Variants in ALK observed in about 807,000 individuals in gnomAD.
ALK encodes the protein ALK receptor tyrosine kinase.
ALK carries 74 observed loss-of-function variants against 163.1 expected under a neutral mutation model. That is an observed-to-expected ratio of 0.45 (90% CI 0.38 to 0.55). The LOEUF is 0.55. Among genes scored for constraint, ALK ranks in the 20% least tolerant of loss-of-function variants. The probability of loss-of-function intolerance (pLI) is 0.00; values close to 1 mark genes in which losing one functional copy is unlikely to be tolerated. For missense variants in ALK, 2,063 were observed against 2,105.3 expected, an observed-to-expected ratio of 0.98 and a Z score of 0.39; for synonymous variants, 960 against 843.2, an observed-to-expected ratio of 1.14 and a Z score of -2.40.
intron 4 of ALK, among the ~76,000 whole-genome samples, chr2:29,466,886 T>C (rs1671226595): frequency 6.6e-6 from 1 of 152,252 alleles, no homozygotes; most frequent in Non-Finnish European, 1.5e-5. Context: ...ATAATTTGTG[T>C]TTACACTTGA....
intron 1 of ALK, among the ~76,000 whole-genome samples, chr2:29,731,351 G>A (rs946670390): frequency 3.9e-5 from 6 of 152,186 alleles, no homozygotes; most frequent in Middle Eastern, 3.2e-3. Context: ...AGATGGCTTG[G>A]CTTCTTCCAT....
intron 4 of ALK, among the ~76,000 whole-genome samples, chr2:29,476,106 G>A (rs1671513427): frequency 6.6e-6 from 1 of 152,138 alleles, no homozygotes; most frequent in Non-Finnish European, 1.5e-5. Flanking sequence ...AGGATGCTGG[G>A]ACCACCAGGG....
Position 29,565,086 on chromosome 2 carries a change from G to C in ALK, c.953-32970C>G, listed in dbSNP as rs1430865658. 3.9e-5 allele frequency among the ~76,000 whole-genome samples: 6 copies of C among 152,356 alleles called. No homozygotes were observed. In the East Asian group the frequency reaches 9.6e-4, roughly 24 times the overall value. The stretch of plus-strand genomic sequence containing the variant: ...TACTCTGTACAGACACGGAGCTGGA[G>C]AAGGGACTAATGTACAACTCTAGGT... On this transcript the variant is annotated intron_variant, in intron 3 of 28. Coordinates refer to ENST00000389048, the MANE Select transcript of ALK (RefSeq NM_004304.5).
chr2:29,800,179 G>A (rs1664432987), intron 1 of ALK, among the ~76,000 whole-genome samples: 1 of 152,250 alleles, frequency 6.6e-6, no homozygotes, highest in Non-Finnish European at 1.5e-5. Flanking sequence ...CAATGCCTGA[G>A]AGGAGGCTGA....
intron 4 of ALK, among the ~76,000 whole-genome samples, chr2:29,392,841 C>G (rs566875128): frequency 6.6e-6 from 1 of 152,192 alleles, no homozygotes; most frequent in Admixed American, 6.5e-5. Flanking sequence ...CGTGAAATAC[C>G]CTGTGCCCTC....
intron 18 of ALK, among the ~76,000 whole-genome samples, chr2:29,225,857 G>A (rs1035417604): frequency 6.6e-6 from 1 of 152,156 alleles, no homozygotes; most frequent in Non-Finnish European, 1.5e-5. Context: ...GAGGATGGAA[G>A]GTGAAACGAA....
rs553418230 is a variant in ALK, at chr2:29,524,781, T to C, written c.1154+7134A>G. Among the ~76,000 whole-genome samples the C allele has an allele frequency of 1.0e-3, 154 of 151,638 alleles. 1 individual carries two copies. The highest frequency in any genetic ancestry group is 1.6e-3 in the Admixed American group (25 of 15,236). ...GATGGATGGATCAATGGATGATAGA[T>C]GGATTAATGGATGAATGGATTGATG... is the stretch of plus-strand genomic sequence containing the variant. On this transcript the variant is annotated intron_variant, in intron 4 of 28. Transcript: ENST00000389048.
intron 1 of ALK, among the ~76,000 whole-genome samples, chr2:29,758,469 G>A (rs531363241): frequency 6.6e-6 from 1 of 152,284 alleles, no homozygotes; most frequent in African/African-American, 2.4e-5. Context: ...ACTTGTGTCT[G>A]GGATGGTGAT....
intron 1 of ALK, among the ~76,000 whole-genome samples, chr2:29,758,098 C>T (rs1680591112): frequency 6.6e-6 from 1 of 150,402 alleles, no homozygotes. Flanking sequence ...GCAACCTCTG[C>T]CTCTTGGGCT....
intron 1 of ALK, among the ~76,000 whole-genome samples, chr2:29,745,537 T>C (rs1340077232): frequency 1.3e-5 from 2 of 152,194 alleles, no homozygotes; most frequent in African/African-American, 4.8e-5. Flanking sequence ...TTGTTTGGAG[T>C]ACTCCTGGTG....
rs80329180 is a variant in ALK, at chr2:29,884,938, G to A, written c.667+35055C>T. On this transcript the variant is annotated intron_variant, in intron 1 of 28. Coordinates refer to ENST00000389048, the MANE Select transcript of ALK (RefSeq NM_004304.5). Reference sequence around the variant, plus strand: ...AGTAACGAACAGAAGTGAGCACCATGATTCAAGGGAGGAAGGGATAGGCTA... The same window carrying A: ...AGTAACGAACAGAAGTGAGCACCATAATTCAAGGGAGGAAGGGATAGGCTA... Among the ~76,000 whole-genome samples the A allele has an allele frequency of 2.9e-4, 44 of 152,276 alleles. No individual in the cohort carries two copies. In the East Asian group the frequency reaches 7.7e-3, roughly 27 times the overall value.
rs1667960348 is a variant in ALK, at chr2:29,920,355, A to T, written c.305T>A (p.Leu102Gln). The T allele has an allele frequency of 6.4e-7, 1 of 1,553,330 alleles. No individual in the cohort carries two copies. Among genetic ancestry groups the T allele is most frequent in the African/African-American group, 1.4e-5 (1 of 73,252 alleles). Residue 102 changes from leucine to glutamine, a missense_variant, in exon 1 of 29, where the codon CTG becomes CAG. This residue lies in a region of ALK where 987 missense variants were observed against 939.5 expected (regional missense o/e 1.05). Coordinates refer to ENST00000389048, the MANE Select transcript of ALK (RefSeq NM_004304.5). Reference sequence around the variant, plus strand: ...CCAGGAGACCCCCGGCGCCGGCCCCAGCAACCTGAGCAGCGGGGCGCAGTC... The same window carrying T: ...CCAGGAGACCCCCGGCGCCGGCCCCTGCAACCTGAGCAGCGGGGCGCAGTC... The part of the protein sequence containing the change: ...ALDCAPLLRL[L>Q]GPAPGVSWTA...
chr2:29,664,942 A>G (rs1201348364), intron 3 of ALK, among the ~76,000 whole-genome samples: 1 of 151,370 alleles, frequency 6.6e-6, no homozygotes, highest in African/African-American at 2.4e-5. Flanking sequence ...TTCCCATCCT[A>G]TATAAAAATC....
chr2:29,725,041 C>T (rs1679529981), intron 1 of ALK, among the ~76,000 whole-genome samples: 1 of 148,546 alleles, frequency 6.7e-6, no homozygotes, highest in Non-Finnish European at 1.5e-5. Context: ...CTCTGCCAGC[C>T]AATGAAAGCA....
intron 28 of ALK, among the ~76,000 whole-genome samples, chr2:29,195,751 A>G (rs570495865): frequency 6.6e-6 from 1 of 152,336 alleles, no homozygotes; most frequent in South Asian, 2.1e-4. Context: ...AATTAAATAA[A>G]TAGTGGTTTA....
intron 4 of ALK, among the ~76,000 whole-genome samples, chr2:29,401,393 C>T (rs968771107): frequency 1.3e-5 from 2 of 152,210 alleles, no homozygotes; most frequent in Non-Finnish European, 2.9e-5. Context: ...TCTCTAACTG[C>T]CTTGACCCTC....
At chr2:29,831,259 G>GGAAGAA (rs201594262) in intron 1 of ALK, among the ~76,000 whole-genome samples, 1,881 of 28,152 alleles carry the variant, frequency 0.067, 375 homozygotes, top group South Asian at 0.1. Flanking sequence ...AAGAGGAAGA[G>GGAAGAA]GAAGAAGAAG....
intron 5 of ALK, among the ~76,000 whole-genome samples, chr2:29,342,291 T>G (rs570713812): frequency 6.6e-6 from 1 of 152,212 alleles, no homozygotes; most frequent in East Asian, 1.9e-4. Flanking sequence ...TTCTAACACA[T>G]GCTTCCATAT....
chr2:29,564,086 T>C (rs1288607171), intron 3 of ALK, among the ~76,000 whole-genome samples: 3 of 152,192 alleles, frequency 2.0e-5, no homozygotes, highest in African/African-American at 7.2e-5. Context: ...TGAAATATTA[T>C]GGGGACATCT....
Sources: allele counts gnomAD v4.1 joint callset (sites outside exome capture counted in the v4.1 genomes callset), GRCh38; gene constraint gnomAD v4.1.1; regional missense constraint gnomAD v4.1.1; transcripts MANE v1.5; gene names NCBI Gene and HGNC (gene_info 2026-07-23, HGNC 2026-07-21).